The following NDUFC1 variants were observed in gnomAD, a reference collection of about 807,000 sequenced individuals.
NDUFC1 encodes NADH:ubiquinone oxidoreductase subunit C1, also known as NADH dehydrogenase [ubiquinone] 1 subunit C1, mitochondrial.
NDUFC1 carries 11 observed loss-of-function variants against 11.6 expected under a neutral mutation model. The observed-to-expected ratio is 0.95, with a 90% CI of 0.60 to 1.58. The LOEUF is 1.58. Ranked by LOEUF, NDUFC1 falls within the 40% of genes most tolerant of loss-of-function variation. The probability of loss-of-function intolerance (pLI) is 0.00; values close to 1 mark genes in which losing one functional copy is unlikely to be tolerated. For synonymous variants in NDUFC1, 52 were observed against 42.2 expected (o/e 1.23, Z -0.90); for missense variants, 112 against 93.0 (o/e 1.20, Z -0.84).
At chr4:139,293,641 T>C (rs191758629) in intron 4 of NDUFC1, among the ~76,000 whole-genome samples, 21 of 152,146 alleles carry the variant, frequency 1.4e-4, no homozygotes, top group African/African-American at 4.3e-4. Context: ...ATTTAAAATA[T>C]CTTAGAGCTG....
chr4:139,295,912 G>A lies in NDUFC1; in HGVS notation c.-114C>T. The A allele has an allele frequency of 1.9e-6, 2 of 1,077,476 alleles. No individual in the cohort carries two copies. The highest frequency in any genetic ancestry group is 2.9e-5 in the East Asian group (1 of 35,008). 66.7% of individuals were successfully genotyped at this position (1,077,476 alleles called of 1,614,324 possible). The stretch of plus-strand genomic sequence containing the variant: ...CAGAGCTCCGTGGGGGCGTCAACGT[G>A]AATTCCAGCACGGCAAGGTTCTCTA... On this transcript the variant is annotated 5_prime_UTR_variant, in exon 3 of 6. Coordinates refer to ENST00000394223, the MANE Select transcript of NDUFC1 (RefSeq NM_001184989.2).
chr4:139,295,990 T>A, intron 2 of NDUFC1, 30 bp from the exon 3 acceptor site: 1 of 546,992 alleles, frequency 1.8e-6, no homozygotes, highest in African/African-American at 2.0e-5. Context: ...AGAAAATAAT[T>A]AAAAGAAAAA....
intron 1 of NDUFC1, among the ~76,000 whole-genome samples, chr4:139,298,237 C>T (rs1254483524): frequency 6.6e-6 from 1 of 151,500 alleles, no homozygotes; most frequent in East Asian, 1.9e-4. Flanking sequence ...GTCGGGAGTT[C>T]AAGACCAGCC....
intron 4 of NDUFC1, among the ~76,000 whole-genome samples, chr4:139,294,424 T>C (rs978606044): frequency 1.3e-5 from 2 of 152,058 alleles, no homozygotes; most frequent in Non-Finnish European, 2.9e-5. Context: ...TTAGCCTCAA[T>C]TCTCATTAAG....
chr4:139,294,575 C>A (rs7654022), intron 4 of NDUFC1, among the ~76,000 whole-genome samples: 40,158 of 150,766 alleles, frequency 0.27, 5,607 homozygotes, highest in African/African-American at 0.35. Flanking sequence ...TCTCTACCAA[C>A]AATACAAAAA....
chr4:139,299,130 C>T (rs1402257293), intron 1 of NDUFC1, among the ~76,000 whole-genome samples: 3 of 152,018 alleles, frequency 2.0e-5, no homozygotes, highest in Admixed American at 6.6e-5. Flanking sequence ...CCACCACACC[C>T]GGCTAATTTT....
chr4:139,301,321 G>C (rs1157779463), intron 1 of NDUFC1: 4 of 396,696 alleles, frequency 1.0e-5, no homozygotes, highest in Admixed American at 4.3e-5. Flanking sequence ...CGGGCGCTTC[G>C]AGGGTACCAC....
intron 1 of NDUFC1, chr4:139,300,828 G>T (rs1343416661): frequency 6.6e-6 from 1 of 152,202 alleles, no homozygotes; most frequent in African/African-American, 2.4e-5. Flanking sequence ...CGTCAACTCT[G>T]CATTATATGG....
intron 5 of NDUFC1, among the ~76,000 whole-genome samples, chr4:139,291,096 G>A (rs1312818493): frequency 6.6e-6 from 1 of 150,752 alleles, no homozygotes; most frequent in Admixed American, 6.6e-5. Context: ...ACAGGCGTGA[G>A]CCACTGCGCC....
chr4:139,295,593 C>G lies in NDUFC1; in HGVS notation c.67+139G>C, dbSNP rs536440915. ...GCCCTGCGTAGGGGACAGGCGTGGG[C>G]TGGGCCTTGGGTCGTCTGCCGGCGA... On this transcript the variant is annotated intron_variant, in intron 3 of 5. Transcript: ENST00000394223. The G allele has an allele frequency of 8.0e-6, 7 of 879,158 alleles. No individual in the cohort carries two copies. In the African/African-American group the frequency reaches 1.0e-4, roughly 13 times the overall value. 54.5% of individuals were successfully genotyped at this position (879,158 alleles called of 1,614,324 possible).
chr4:139,298,699 G>T (rs1428796389), intron 1 of NDUFC1, among the ~76,000 whole-genome samples: 1 of 150,926 alleles, frequency 6.6e-6, no homozygotes, highest in East Asian at 1.9e-4. Context: ...TTGGAACAAG[G>T]TCTCAGCTCT....
rs368722282 is a variant in NDUFC1 at position 139,295,812 on chromosome 4, G to C, written c.-14C>G. ...GGACGGCGCCATCTTGCGTGGCCCA[G>C]CTCAGTCTCTCCGAGTTGGCAACAG... On this transcript the variant is annotated 5_prime_UTR_variant, in exon 3 of 6. Coordinates refer to ENST00000394223, the MANE Select transcript of NDUFC1 (RefSeq NM_001184989.2). The C allele has an allele frequency of 1.3e-6, 2 of 1,543,850 alleles. No individual in the cohort carries two copies. The highest frequency in any genetic ancestry group is 2.5e-5 in the East Asian group (1 of 40,060).
chr4:139,295,014 C>G (rs774636931), intron 4 of NDUFC1, 29 bp downstream of exon 4: 1 of 1,553,584 alleles, frequency 6.4e-7, no homozygotes, highest in South Asian at 1.1e-5. Context: ...CTGGTGTAGT[C>G]TCACGACATC....
At chr4:139,297,128 A>G (rs943639045) in intron 2 of NDUFC1, among the ~76,000 whole-genome samples, 1 of 152,138 alleles carries the variant, frequency 6.6e-6, no homozygotes, top group Non-Finnish European at 1.5e-5. Context: ...CTTATTGTCC[A>G]CTCAGCAACC....
At position 139,295,183 on chromosome 4, in the gene NDUFC1, C is replaced by T. The variant is rs1431829800; in HGVS notation, c.68-37G>A. On this transcript the variant is annotated intron_variant, in intron 3 of 5. Transcript: ENST00000394223. ...AGAGGGTCTGTAAATTTGTAACTTA[C>T]TGCCTTGTAGGGAAAAAACCCTAAC... 7 of 1,539,108 alleles carry T rather than the reference C, an allele frequency of 4.5e-6. No homozygotes were observed. In the Admixed American group the frequency reaches 8.4e-5, roughly 18 times the overall value.
At chr4:139,294,929 T>TA in intron 4 of NDUFC1, 114 bp downstream of exon 4, 1 of 716,792 alleles carries the variant, frequency 1.4e-6, no homozygotes. Flanking sequence ...ATCCTACTGT[T>TA]ATGAGAGTTT....
intron 5 of NDUFC1, among the ~76,000 whole-genome samples, chr4:139,291,666 A>G (rs1745223355): frequency 6.6e-6 from 1 of 152,196 alleles, no homozygotes; most frequent in South Asian, 2.1e-4. Context: ...TGCTGAATAA[A>G]GGATAATTAA....
chr4:139,301,753 G>C, intron 1 of NDUFC1: 1 of 1,556,810 alleles, frequency 6.4e-7, no homozygotes, highest in South Asian at 1.2e-5. Flanking sequence ...GGGTGGTGGC[G>C]GGAGCAGCGG....
chr4:139,291,773 T>C (rs12642647), intron 5 of NDUFC1, among the ~76,000 whole-genome samples: 8,798 of 151,788 alleles, frequency 0.058, 286 homozygotes, highest in East Asian at 0.1. Flanking sequence ...TAATTTGTCA[T>C]AAGTGCTATG....
Sources: allele counts gnomAD v4.1 joint callset (sites outside exome capture counted in the v4.1 genomes callset), GRCh38; gene constraint gnomAD v4.1.1; transcripts MANE v1.5; gene names NCBI Gene and HGNC (gene_info 2026-07-23, HGNC 2026-07-21).